AHNAK: variants seen among roughly 807,000 people sequenced by gnomAD.
The protein encoded by AHNAK is neuroblast differentiation-associated protein AHNAK.
A neutral mutation model predicts 37.8 loss-of-function variants in AHNAK; 23 were observed. The observed-to-expected ratio is 0.61, with a 90% CI of 0.44 to 0.86. The LOEUF is 0.86. Ranked by LOEUF, AHNAK falls within the 40% of genes least tolerant of loss-of-function variation. AHNAK has a pLI of 0.00. For missense variants in AHNAK, 7,411 were observed against 7,319.4 expected, an observed-to-expected ratio of 1.01 and a Z score of -0.46; for synonymous variants, 2,481 against 2,636.3, an observed-to-expected ratio of 0.94 and a Z score of 1.80.
intron 5 of AHNAK, among the ~76,000 whole-genome samples, chr11:62,444,035 GC>G (rs1294599050): frequency 1.3e-5 from 2 of 152,164 alleles, no homozygotes; most frequent in Admixed American, 1.3e-4. Flanking sequence ...CCCCTCCAAT[GC>G]ACGATGGACA....
chr11:62,493,383 T>C (rs1939542796), intron 4 of AHNAK, among the ~76,000 whole-genome samples: 1 of 144,898 alleles, frequency 6.9e-6, no homozygotes, highest in African/African-American at 2.6e-5. Flanking sequence ...CAGGCTGGAG[T>C]GCAGTGGCAC....
intron 4 of AHNAK, among the ~76,000 whole-genome samples, chr11:62,508,438 G>A (rs1169115009): frequency 6.6e-6 from 1 of 152,206 alleles, no homozygotes. Flanking sequence ...TGAGAACGCA[G>A]TGTGAGATCT....
At position 62,522,126 on chromosome 11, in the gene AHNAK, G is replaced by A. The variant is rs749514016; in HGVS notation, c.12291C>T (p.Asp4097=). 2 of 1,613,740 alleles carry A rather than the reference G, an allele frequency of 1.2e-6. No individual in the cohort carries two copies. Among genetic ancestry groups the A allele is most frequent in the Non-Finnish European group, 1.7e-6 (2 of 1,179,970 alleles). ...ADIDVSGPKV[D]IDTPDIDIHG... ...GAATATCAATATCAGGAGTGTCAAT[G>A]TCCACTTTGGGTCCTGAGACATCAA... The change falls in exon 5 of 5, where the codon GAC becomes GAT. Residue 4097 remains aspartate (D), a synonymous_variant. Transcript: ENST00000378024.
intron 5 of AHNAK, among the ~76,000 whole-genome samples, chr11:62,450,963 T>C (rs377502756): frequency 3.0e-4 from 46 of 152,268 alleles, no homozygotes; most frequent in African/African-American, 7.0e-4. Flanking sequence ...CGCGGCACTT[T>C]GGGAGGCCAA....
intron 5 of AHNAK, among the ~76,000 whole-genome samples, chr11:62,450,437 A>G (rs933659672): frequency 1.3e-5 from 2 of 152,054 alleles, no homozygotes; most frequent in Non-Finnish European, 2.9e-5. Context: ...AGATGATCCA[A>G]CTGCCTTGGC....
intron 5 of AHNAK, among the ~76,000 whole-genome samples, chr11:62,490,977 AG>A (rs1939496181): frequency 1.3e-5 from 2 of 151,998 alleles, no homozygotes; most frequent in Non-Finnish European, 2.9e-5. Flanking sequence ...TAGTAGAGAC[AG>A]GGTTTCACTA....
chr11:62,540,373 T>C (rs1264509010), intron 1 of AHNAK, among the ~76,000 whole-genome samples: 3 of 152,238 alleles, frequency 2.0e-5, no homozygotes, highest in Non-Finnish European at 4.4e-5. Context: ...GAGAGTTTTA[T>C]GGGATGGCAC....
chr11:62,515,407 C>T (rs1023828307), downstream of AHNAK, among the ~76,000 whole-genome samples: 10 of 152,214 alleles, frequency 6.6e-5, no homozygotes, highest in African/African-American at 2.2e-4. Flanking sequence ...ATCCCAGCTA[C>T]TCGGGAGGCT....
chr11:62,535,918 C>A (rs370045610), intron 3 of AHNAK, 27 bp downstream of exon 3: 5 of 1,596,878 alleles, frequency 3.1e-6, no homozygotes, highest in Middle Eastern at 3.6e-4. Flanking sequence ...ACCACCAGCA[C>A]CCAGTCCACA....
intron 5 of AHNAK, among the ~76,000 whole-genome samples, chr11:62,469,523 T>C (rs1203547443): frequency 2.6e-5 from 4 of 152,072 alleles, no homozygotes; most frequent in African/African-American, 9.7e-5. Context: ...GGAGTGCAGT[T>C]ATGCAATGTC....
chr11:62,486,397 C>T (rs1481442366), intron 5 of AHNAK, among the ~76,000 whole-genome samples: 1 of 151,964 alleles, frequency 6.6e-6, no homozygotes, highest in Non-Finnish European at 1.5e-5. Context: ...CGCTTGAACC[C>T]AGGAGGCGGA....
chr11:62,536,217 C>A (rs1940943309), intron 2 of AHNAK, 119 bp from the exon 3 acceptor site: 1 of 1,098,224 alleles, frequency 9.1e-7, no homozygotes, highest in Non-Finnish European at 1.2e-6. Context: ...CAGCAATGCA[C>A]CTGCCCCTGC....
chr11:62,545,202 C>A (rs1346654226), intron 1 of AHNAK, among the ~76,000 whole-genome samples: 1 of 152,042 alleles, frequency 6.6e-6, no homozygotes, highest in African/African-American at 2.4e-5. Context: ...CTGCCACGGT[C>A]GCCGCGGCGG....
chr11:62,546,245 G>A (rs1432140908), intron 1 of AHNAK, among the ~76,000 whole-genome samples: 3 of 152,182 alleles, frequency 2.0e-5, no homozygotes, highest in Non-Finnish European at 2.9e-5. Flanking sequence ...GGGCCGCGGT[G>A]GCGATCTCGG....
Position 62,524,176 on chromosome 11 carries a change from T to C in AHNAK, c.10241A>G (p.Lys3414Arg). 1 of 1,614,034 alleles carries C rather than the reference T, an allele frequency of 6.2e-7. No homozygotes were observed. Among genetic ancestry groups the C allele is most frequent in the Non-Finnish European group, 8.5e-7 (1 of 1,180,000 alleles). The change falls in exon 5 of 5, where the codon AAA (lysine) becomes AGA (arginine). Residue 3414 changes from lysine (K) to arginine (R), a missense_variant. Physicochemically the swap from Lys to Arg is conservative, Grantham distance 26 (BLOSUM62 2). Coordinates refer to ENST00000378024, the MANE Select transcript of AHNAK (RefSeq NM_001620.3). ...TAGCTCCACGTCAGGCATAGAAACT[T>C]TGGGAGATGAAATACTCAGGAAAGG... ...KMPFLSISSP[K>R]VSMPDVELNL... is the part of the protein sequence containing the mutation.
At chr11:62,485,353 G>A (rs910918296) in intron 5 of AHNAK, among the ~76,000 whole-genome samples, 4 of 151,960 alleles carry the variant, frequency 2.6e-5, no homozygotes, top group African/African-American at 9.7e-5. Flanking sequence ...AATCCCAACA[G>A]TATACTCCAG....
chr11:62,475,978 G>A (rs546592413), intron 5 of AHNAK, among the ~76,000 whole-genome samples: 1 of 152,226 alleles, frequency 6.6e-6, no homozygotes, highest in South Asian at 2.1e-4. Context: ...TTTATTTTAT[G>A]TTTATTTTAG....
At chr11:62,467,672 G>A (rs992242057) in intron 5 of AHNAK, among the ~76,000 whole-genome samples, 8 of 152,184 alleles carry the variant, frequency 5.3e-5, no homozygotes, top group Non-Finnish European at 1.0e-4. Flanking sequence ...GCAACAGAGT[G>A]AGACTCCGTC....
rs146987841 is a variant in AHNAK at position 62,517,638 on chromosome 11, G to A, written c.16779C>T (p.Ser5593=). The A allele has an allele frequency of 1.6e-5, 26 of 1,614,066 alleles. No individual in the cohort carries two copies. The highest frequency in any genetic ancestry group is 2.7e-5 in the African/African-American group (2 of 74,990). Residue 5593 remains serine (S), a synonymous_variant, in exon 5 of 5, where the codon TCC becomes TCT. Coordinates refer to ENST00000378024, the MANE Select transcript of AHNAK (RefSeq NM_001620.3). ...LGEGHLSVKG[S]GGEWKGPQVS... Reference sequence around the variant, plus strand: ...CTTGGGGTCCCTTCCACTCACCCCCGGAACCTTTAACACTCAAATGCCCTT... The same window carrying A: ...CTTGGGGTCCCTTCCACTCACCCCCAGAACCTTTAACACTCAAATGCCCTT...
Sources: allele counts gnomAD v4.1 joint callset (sites outside exome capture counted in the v4.1 genomes callset), GRCh38; gene constraint gnomAD v4.1.1; transcripts MANE v1.5; gene names NCBI Gene and HGNC (gene_info 2026-07-23, HGNC 2026-07-21).